Variants in OSBPL11 observed in about 807,000 individuals in gnomAD.
OSBPL11 encodes the protein oxysterol binding protein like 11.
A neutral mutation model predicts 84.4 loss-of-function variants in OSBPL11; 33 were observed. The ratio of observed to expected loss-of-function variants is 0.39; its 90% CI spans 0.30 to 0.52. OSBPL11 has a LOEUF of 0.52. Among genes scored for constraint, OSBPL11 ranks in the 20% least tolerant of loss-of-function variants. OSBPL11 has a pLI of 0.72. For missense variants in OSBPL11, 736 were observed against 901.1 expected (o/e 0.82, Z 2.35); for synonymous variants, 276 against 310.2 (o/e 0.89, Z 1.16).
In OSBPL11 at chr3:125,595,427, G is replaced by C. The variant is rs1056203689; in HGVS notation, c.-627C>G. 6.6e-6 allele frequency among the ~76,000 whole-genome samples: 1 copy of C among 152,170 alleles called. No individual in the cohort carries two copies. Among genetic ancestry groups the C allele is most frequent in the Admixed American group, 6.5e-5 (1 of 15,282 alleles). ...CGGGACAACTTCCTCTTATGCCCCTGGCCCGGGCCCTCGACTGGGTTCCCA... is the reference window on the plus strand; with the variant it reads ...CGGGACAACTTCCTCTTATGCCCCTCGCCCGGGCCCTCGACTGGGTTCCCA... On this transcript the variant is annotated 5_prime_UTR_variant, in exon 1 of 13. Transcript: ENST00000296220.
rs1023998965 is a variant in OSBPL11 at position 125,538,576 on chromosome 3, C to G, written c.1899G>C (p.Gly633=). The G allele has an allele frequency of 2.5e-6, 4 of 1,614,032 alleles. No homozygotes were observed. In the South Asian group the frequency reaches 3.3e-5, roughly 13 times the overall value. Residue 633 remains glycine (G), a synonymous_variant, in exon 11 of 13, where the codon GGG becomes GGC. Coordinates refer to ENST00000296220, the MANE Select transcript of OSBPL11 (RefSeq NM_022776.5). ...TGAACTCAAGAACACTATTCCATTC[C>G]CCTTGCACTCTGCATACCACAGTGT... The part of the protein sequence containing the change: ...ITNTVVCRVQ[G]EWNSVLEFTY...
intron 9 of OSBPL11, among the ~76,000 whole-genome samples, chr3:125,550,371 T>TCACACA (rs58412964): frequency 1.1e-3 from 141 of 132,268 alleles, no homozygotes; most frequent in Middle Eastern, 3.9e-3. Flanking sequence ...CTAGACCGTG[T>TCACACA]CACACACACA....
chr3:125,588,816 T>C (rs1936552844), intron 1 of OSBPL11, among the ~76,000 whole-genome samples: 1 of 152,188 alleles, frequency 6.6e-6, no homozygotes, highest in Non-Finnish European at 1.5e-5. Flanking sequence ...AAACAGAATT[T>C]TTCTATGAAG....
At chr3:125,565,645 A>G (rs1936142318) in intron 6 of OSBPL11, among the ~76,000 whole-genome samples, 2 of 152,178 alleles carry the variant, frequency 1.3e-5, no homozygotes, top group African/African-American at 4.8e-5. Context: ...AGGACAATGC[A>G]TATTTTTTGT....
intron 10 of OSBPL11, among the ~76,000 whole-genome samples, chr3:125,543,725 A>G (rs1359551668): frequency 2.6e-5 from 4 of 151,628 alleles, no homozygotes; most frequent in Admixed American, 2.6e-4. Flanking sequence ...ACATGGCGAA[A>G]CCCCGTCTCT....
At chr3:125,549,672 A>C (rs1409615357) in intron 9 of OSBPL11, among the ~76,000 whole-genome samples, 1 of 151,840 alleles carries the variant, frequency 6.6e-6, no homozygotes, top group African/African-American at 2.4e-5. Context: ...ATTTTTGTAG[A>C]GATAGGGTCT....
At chr3:125,574,770 A>G (rs1043877025) in intron 5 of OSBPL11, among the ~76,000 whole-genome samples, 1 of 152,316 alleles carries the variant, frequency 6.6e-6, no homozygotes, top group African/African-American at 2.4e-5. Context: ...TATAATAATA[A>G]AATGGATCAA....
chr3:125,548,663 G>A (rs779685520), intron 9 of OSBPL11, among the ~76,000 whole-genome samples: 4 of 151,764 alleles, frequency 2.6e-5, no homozygotes, highest in Non-Finnish European at 5.9e-5. Context: ...CATTACCTGT[G>A]TCATCAACAG....
At chr3:125,566,196 G>T (rs1431528437) in intron 6 of OSBPL11, among the ~76,000 whole-genome samples, 2 of 151,994 alleles carry the variant, frequency 1.3e-5, no homozygotes, top group Non-Finnish European at 2.9e-5. Context: ...AGTAGAGATG[G>T]GGTTTCACCA....
intron 11 of OSBPL11, among the ~76,000 whole-genome samples, 166 bp downstream of exon 11, chr3:125,538,284 TC>T (rs1393243897): frequency 2.6e-5 from 4 of 152,220 alleles, no homozygotes. Flanking sequence ...TATCAAAGAA[TC>T]TCACAGCTGG....
chr3:125,539,228 C>T (rs1935686204), intron 10 of OSBPL11, among the ~76,000 whole-genome samples: 1 of 142,552 alleles, frequency 7.0e-6, no homozygotes, highest in African/African-American at 2.7e-5. Flanking sequence ...CAAAAACTAT[C>T]ATTATCACCA....
rs929839451 is a variant in OSBPL11 at position 125,530,409 on chromosome 3, G to C, written c.*106C>G. Reference sequence around the variant, plus strand: ...GTACATTCAGGTTTAGCTAGTTTCAGTCTGCGCAATCAGGAAGCAGGTCAC... The same window carrying C: ...GTACATTCAGGTTTAGCTAGTTTCACTCTGCGCAATCAGGAAGCAGGTCAC... On this transcript the variant is annotated 3_prime_UTR_variant, in exon 13 of 13. Coordinates refer to ENST00000296220, the MANE Select transcript of OSBPL11 (RefSeq NM_022776.5). 9.8e-7 allele frequency: 1 copy of C among 1,023,616 alleles called. No homozygotes were observed. The highest frequency in any genetic ancestry group is 1.6e-5 in the African/African-American group (1 of 63,702). 63.4% of individuals were successfully genotyped at this position (1,023,616 alleles called of 1,614,324 possible).
At chr3:125,539,300 C>CATATATATATATATATATATAT (rs10678056) in intron 10 of OSBPL11, among the ~76,000 whole-genome samples, 1 of 67,808 alleles carries the variant, frequency 1.5e-5, no homozygotes, top group Non-Finnish European at 3.1e-5. Flanking sequence ...TCACCACAGC[C>CATATATATATATATATATATAT]ATATATATAT....
chr3:125,548,390 T>C (rs1362458550), intron 9 of OSBPL11, among the ~76,000 whole-genome samples: 1 of 152,128 alleles, frequency 6.6e-6, no homozygotes, highest in African/African-American at 2.4e-5. Flanking sequence ...AAAATGTTGT[T>C]TGATTATAAA....
chr3:125,551,670 C>T (rs752211999), intron 9 of OSBPL11, among the ~76,000 whole-genome samples: 2 of 151,520 alleles, frequency 1.3e-5, no homozygotes, highest in Admixed American at 6.6e-5. Flanking sequence ...CCCAGCTACT[C>T]GTGAGTCTGA....
intron 6 of OSBPL11, among the ~76,000 whole-genome samples, chr3:125,565,869 GA>G (rs1329064327): frequency 2.0e-5 from 3 of 151,400 alleles, no homozygotes; most frequent in Admixed American, 6.6e-5. Context: ...CCTAAACTAT[GA>G]ATGCCCTTTC....
chr3:125,548,026 G>A (rs984237709), intron 9 of OSBPL11, among the ~76,000 whole-genome samples: 2 of 152,036 alleles, frequency 1.3e-5, no homozygotes, highest in Non-Finnish European at 2.9e-5. Flanking sequence ...ACAGGTGCCC[G>A]CCACCATACC....
chr3:125,549,685 T>C (rs1559838155), intron 9 of OSBPL11, among the ~76,000 whole-genome samples: 1 of 151,826 alleles, frequency 6.6e-6, no homozygotes, highest in Non-Finnish European at 1.5e-5. Context: ...TAGGGTCTCA[T>C]TATGTTGCCC....
Position 125,560,418 on chromosome 3 carries a change from A to G in OSBPL11, c.1116T>C (p.His372=). Residue 372 remains histidine, a synonymous_variant, in exon 8 of 13, where the codon CAT becomes CAC. Transcript: ENST00000296220. ...TGCCCAGCTTAAGCTGTGACAAGAGATGTAGGATGACACTACGTTGTTCTT... is the reference window on the plus strand; with the variant it reads ...TGCCCAGCTTAAGCTGTGACAAGAGGTGTAGGATGACACTACGTTGTTCTT... ...AVEEQRSVIL[H]LLSQLKLGMD... 6.3e-7 allele frequency: 1 copy of G among 1,598,398 alleles called. No individual in the cohort carries two copies. Among genetic ancestry groups the G allele is most frequent in the Non-Finnish European group, 8.5e-7 (1 of 1,171,168 alleles).
Sources: allele counts gnomAD v4.1 joint callset (sites outside exome capture counted in the v4.1 genomes callset), GRCh38; gene constraint gnomAD v4.1.1; transcripts MANE v1.5; gene names NCBI Gene and HGNC (gene_info 2026-07-23, HGNC 2026-07-21).